The following POLN variants were observed in gnomAD, a reference collection of about 807,000 sequenced individuals.
POLN encodes the protein DNA polymerase nu, also known as DNA polymerase N.
POLN carries 108 observed loss-of-function variants against 113.5 expected under a neutral mutation model. That is an observed-to-expected ratio of 0.95 (90% CI 0.81 to 1.12). The LOEUF (loss-of-function observed/expected upper bound fraction) is 1.12, where lower values mean the gene tolerates loss of function less well. POLN is among the 50% of genes most tolerant of loss of function. The pLI is 0.00. For synonymous variants in POLN, 386 were observed against 391.5 expected, an observed-to-expected ratio of 0.99 and a Z score of 0.17; for missense variants, 1,097 against 1,077.1, an observed-to-expected ratio of 1.02 and a Z score of -0.26.
rs1733079374 is a variant in POLN at position 2,179,444 on chromosome 4, T to C, written c.1043A>G (p.Asp348Gly). The C allele has an allele frequency of 6.2e-7, 1 of 1,613,432 alleles. No homozygotes were observed. The highest frequency in any genetic ancestry group is 1.7e-5 in the Admixed American group (1 of 59,880). Residue 348 changes from aspartate (D) to glycine (G), a missense_variant, in exon 8 of 26, where the codon GAT becomes GGT. By Grantham distance (94) the Asp-to-Gly change is moderately conservative (BLOSUM62 -1). Transcript: ENST00000511885. ...WKHVADFIGLDPRIAAWLIDP... is the reference protein window; with the variant it reads ...WKHVADFIGLGPRIAAWLIDP... ...TATAAGCCATGCAGCAATTCTGGGA[T>C]CTAGCCCTATAAAATCAGCAACTGA...
intron 2 of POLN, chr4:2,229,450 T>A (rs989366024): frequency 2.6e-6 from 1 of 392,068 alleles, no homozygotes; most frequent in Non-Finnish European, 4.5e-6. Context: ...GGTATCATAG[T>A]AAATAGATAA....
chr4:2,237,959 C>A (rs1734825726), intron 2 of POLN, among the ~76,000 whole-genome samples: 1 of 151,998 alleles, frequency 6.6e-6, no homozygotes, highest in Admixed American at 6.5e-5. Flanking sequence ...CAGTGGTACC[C>A]CCTGAAATTG....
chr4:2,225,491 T>C (rs972396609), intron 3 of POLN, among the ~76,000 whole-genome samples: 1 of 148,140 alleles, frequency 6.8e-6, no homozygotes, highest in East Asian at 2.0e-4. Flanking sequence ...GGAGGGGGGG[T>C]TGCAGTGAGC....
chr4:2,125,904 A>T (rs1057187340), intron 19 of POLN, among the ~76,000 whole-genome samples: 3 of 152,128 alleles, frequency 2.0e-5, no homozygotes, highest in Non-Finnish European at 4.4e-5. Context: ...CAGTGCAGAT[A>T]TGGGCATTGA....
chr4:2,132,361 A>G (rs183559940), intron 16 of POLN, among the ~76,000 whole-genome samples: 15 of 152,336 alleles, frequency 9.8e-5, no homozygotes, highest in Non-Finnish European at 2.2e-4. Flanking sequence ...TCAAAATACA[A>G]TATCAAATTG....
chr4:2,096,291 T>A (rs1031298108), intron 19 of POLN, among the ~76,000 whole-genome samples: 8 of 152,220 alleles, frequency 5.3e-5, no homozygotes, highest in African/African-American at 1.9e-4. Flanking sequence ...CTGTGTCTGC[T>A]GCAGTGGGGG....
chr4:2,142,253 C>A (rs1732021159), intron 16 of POLN, among the ~76,000 whole-genome samples: 1 of 152,198 alleles, frequency 6.6e-6, no homozygotes, highest in African/African-American at 2.4e-5. Flanking sequence ...CAGAGCTGAA[C>A]ACTGATTCCT....
At chr4:2,234,506 T>A (rs1056826019) in intron 2 of POLN, 1 of 154,118 alleles carries the variant, frequency 6.5e-6, no homozygotes, top group African/African-American at 2.4e-5. Context: ...CAGAACTGGC[T>A]CCACCCCACC....
In POLN at chr4:2,174,693, G is replaced by C. The variant is rs1404178994; in HGVS notation, c.1307C>G (p.Ala436Gly). ...ACTTCATCTTTATGGTAACTTACCTGCCAAAATTGGTATCAGAGGAAGCTC... is the reference window on the plus strand; with the variant it reads ...ACTTCATCTTTATGGTAACTTACCTCCCAAAATTGGTATCAGAGGAAGCTC... ...TLELPLIPILAVMESHAIQVN... is the reference protein window; with the variant it reads ...TLELPLIPILGVMESHAIQVN... Residue 436 changes from alanine to glycine, a missense_variant and splice_region_variant, in exon 10 of 26, where the codon GCA becomes GGA. Ala to Gly is a moderately conservative substitution (Grantham distance 60). Transcript: ENST00000511885. The C allele has an allele frequency of 3.1e-6, 5 of 1,606,658 alleles. No individual in the cohort carries two copies. Among genetic ancestry groups the C allele is most frequent in the Non-Finnish European group, 4.3e-6 (5 of 1,173,674 alleles).
chr4:2,226,515 G>C (rs1734397735), intron 3 of POLN, among the ~76,000 whole-genome samples: 1 of 152,216 alleles, frequency 6.6e-6, no homozygotes, highest in African/African-American at 2.4e-5. Context: ...GTAAGTGGTA[G>C]TTACATGGAT....
At chr4:2,078,833 T>C in intron 23 of POLN, 1 of 985,496 alleles carries the variant, frequency 1.0e-6, no homozygotes, top group Non-Finnish European at 1.2e-6. Flanking sequence ...AAAGTGTCTG[T>C]GTCCAGCTTT....
chr4:2,180,278 A>C (rs1336205527), intron 7 of POLN, among the ~76,000 whole-genome samples: 1 of 152,254 alleles, frequency 6.6e-6, no homozygotes, highest in Non-Finnish European at 1.5e-5. Flanking sequence ...AACACTTTAG[A>C]CATGAAGGGA....
intron 16 of POLN, among the ~76,000 whole-genome samples, chr4:2,154,709 G>A (rs1732381545): frequency 6.6e-6 from 1 of 152,172 alleles, no homozygotes; most frequent in Non-Finnish European, 1.5e-5. Flanking sequence ...TTATGGTATT[G>A]CTATTGAAGT....
chr4:2,224,838 C>A (rs1254204716), intron 3 of POLN, among the ~76,000 whole-genome samples: 1 of 152,006 alleles, frequency 6.6e-6, no homozygotes, highest in Non-Finnish European at 1.5e-5. Flanking sequence ...GTAATGCCAG[C>A]TACTCAGGAG....
At chr4:2,123,801 T>C (rs1251273795) in intron 19 of POLN, among the ~76,000 whole-genome samples, 1 of 151,574 alleles carries the variant, frequency 6.6e-6, no homozygotes, top group Non-Finnish European at 1.5e-5. Context: ...TGTAACCTTG[T>C]CTCAAAAAAA....
chr4:2,179,505 C>A (rs750289889), intron 7 of POLN, 40 bp from the exon 8 acceptor site: 9 of 1,588,170 alleles, frequency 5.7e-6, no homozygotes, highest in South Asian at 1.1e-5. Context: ...CAAGAAAAAC[C>A]AATAGTTGTT....
At chr4:2,171,778 A>AAAAAAT (rs1415794715) in intron 11 of POLN, among the ~76,000 whole-genome samples, 1 of 152,148 alleles carries the variant, frequency 6.6e-6, no homozygotes, top group Non-Finnish European at 1.5e-5. Context: ...CATCTCTACA[A>AAAAAAT]AAAAATAAAA....
At chr4:2,226,717 A>T (rs1440002581) in intron 3 of POLN, among the ~76,000 whole-genome samples, 1 of 152,218 alleles carries the variant, frequency 6.6e-6, no homozygotes, top group Non-Finnish European at 1.5e-5. Context: ...GGTTTAATAC[A>T]GTTTGGTGTG....
chr4:2,210,821 T>C (rs191906363), intron 4 of POLN, among the ~76,000 whole-genome samples: 1,524 of 149,958 alleles, frequency 0.01, 28 homozygotes, highest in African/African-American at 0.035. Context: ...CTTGGGAGGC[T>C]GAGGCAGGAG....
Sources: allele counts gnomAD v4.1 joint callset (sites outside exome capture counted in the v4.1 genomes callset), GRCh38; gene constraint gnomAD v4.1.1; transcripts MANE v1.5; gene names NCBI Gene and HGNC (gene_info 2026-07-23, HGNC 2026-07-21).